Variants in HEATR4 observed in about 807,000 individuals in gnomAD.
HEATR4 encodes HEAT repeat-containing protein 4.
A neutral mutation model predicts 108.8 loss-of-function variants in HEATR4; 95 were observed. That is an observed-to-expected ratio of 0.87 (90% CI 0.74 to 1.04). The LOEUF is 1.04. Ranked by LOEUF, HEATR4 falls within the 50% of genes least tolerant of loss-of-function variation. HEATR4 has a pLI of 0.00. For missense variants in HEATR4, 1,152 were observed against 1,253.8 expected, an observed-to-expected ratio of 0.92 and a Z score of 1.23; for synonymous variants, 443 against 459.4, an observed-to-expected ratio of 0.96 and a Z score of 0.46.
At chr14:73,615,043 C>T in the HEATR4 span, among the ~76,000 whole-genome samples, 12 of 142,930 alleles carry the variant, frequency 8.4e-5, no homozygotes, top group Non-Finnish European at 1.5e-4. Flanking sequence ...GAGCCAAGAT[C>T]GCACCGTTGC....
intron 10 of HEATR4, among the ~76,000 whole-genome samples, chr14:73,506,142 G>T (rs973517837): frequency 6.6e-6 from 1 of 151,922 alleles, no homozygotes; most frequent in Non-Finnish European, 1.5e-5. Flanking sequence ...GCCTGCCTTG[G>T]CCTCCCCAAG....
the HEATR4 span, chr14:73,631,628 AC>A: frequency 6.1e-6 from 1 of 162,686 alleles, no homozygotes; most frequent in Admixed American, 6.3e-5. Flanking sequence ...GGTCGCTGCC[AC>A]CAAGAAGTAT....
chr14:73,540,742 CTTTTTTT>C (rs200357086), intron 1 of HEATR4, among the ~76,000 whole-genome samples: 1 of 81,222 alleles, frequency 1.2e-5, no homozygotes, highest in Non-Finnish European at 2.6e-5. Flanking sequence ...TGTTTGCATT[CTTTTTTT>C]TTTTTTTTTT....
chr14:73,618,369 C>T, the HEATR4 span, among the ~76,000 whole-genome samples: 1 of 146,218 alleles, frequency 6.8e-6, no homozygotes, highest in African/African-American at 2.8e-5. Flanking sequence ...GGCCCTAAGC[C>T]TCTTTTCTGG....
At chr14:73,513,889 C>T in intron 6 of HEATR4, 142 bp downstream of exon 6, 1 of 755,378 alleles carries the variant, frequency 1.3e-6, no homozygotes, top group Non-Finnish European at 2.2e-6. Flanking sequence ...GTGTGAAAGG[C>T]TCTTGTCTAG....
rs2140316482 is a variant in HEATR4 at position 73,544,464 on chromosome 14, A to G, written c.-151-14220T>C. 1.7e-5 allele frequency among the ~76,000 whole-genome samples: 2 copies of G among 115,530 alleles called. 1 individual carries two copies. Among genetic ancestry groups the G allele is most frequent in the South Asian group, 5.5e-4 (2 of 3,646 alleles). 75.8% of individuals were successfully genotyped at this position (115,530 alleles called of 152,430 possible). On this transcript the variant is annotated intron_variant, in intron 1 of 17. Transcript: ENST00000553558. Reference sequence around the variant, plus strand: ...AAACTACTAAAACTTTTCAAAACCAATACATATTTAGTTCTTTGATATCTT... The same window carrying G: ...AAACTACTAAAACTTTTCAAAACCAGTACATATTTAGTTCTTTGATATCTT...
At chr14:73,483,878 A>C (rs1885344028) in intron 17 of HEATR4, among the ~76,000 whole-genome samples, 1 of 151,428 alleles carries the variant, frequency 6.6e-6, no homozygotes, top group Non-Finnish European at 1.5e-5. Context: ...TTTGAGACGG[A>C]GTCTCATCTC....
At chr14:73,602,663 A>G in the HEATR4 span, among the ~76,000 whole-genome samples, 1 of 152,220 alleles carries the variant, frequency 6.6e-6, no homozygotes, top group Non-Finnish European at 1.5e-5. Flanking sequence ...CTGGCAGGCT[A>G]CAATTATGAT....
the HEATR4 span, among the ~76,000 whole-genome samples, chr14:73,621,224 T>C: frequency 7.6e-6 from 1 of 131,006 alleles, no homozygotes; most frequent in Non-Finnish European, 1.7e-5. Context: ...AAAAAACACT[T>C]GTCTCTGAAC....
At position 73,534,314 on chromosome 14, in the gene HEATR4, A is replaced by G. The variant is rs1318504739; in HGVS notation, c.-151-4070T>C. On this transcript the variant is annotated intron_variant, in intron 1 of 17. Coordinates refer to ENST00000553558, the MANE Select transcript of HEATR4 (RefSeq NM_001220484.1). ...GAATCACTGGAACCCGGGAGCCAGAAGTTGCAGTGAGCCGAGATCAGACCA... is the reference window on the plus strand; with the variant it reads ...GAATCACTGGAACCCGGGAGCCAGAGGTTGCAGTGAGCCGAGATCAGACCA... Among the ~76,000 whole-genome samples, 5 of 106,478 alleles carry G rather than the reference A, an allele frequency of 4.7e-5. 2 individuals carry two copies. The highest frequency in any genetic ancestry group is 6.1e-5 in the African/African-American group (2 of 32,538). The allele number at this position is 106,478 out of a possible 152,430, so 69.9% of individuals were successfully genotyped here. A position where few individuals can be genotyped will look rare whatever the true frequency, so the allele number is the denominator to read the frequency against.
At chr14:73,610,661 T>C in the HEATR4 span, among the ~76,000 whole-genome samples, 1 of 152,114 alleles carries the variant, frequency 6.6e-6, no homozygotes, top group Non-Finnish European at 1.5e-5. Flanking sequence ...GCATATGAAA[T>C]GTACTAGGTT....
intron 1 of HEATR4, among the ~76,000 whole-genome samples, chr14:73,538,245 A>G (rs1046144602): frequency 8.7e-6 from 1 of 114,512 alleles, no homozygotes; most frequent in African/African-American, 2.8e-5. Context: ...ACAGGAATGG[A>G]ATGGAAAGTT....
At chr14:73,527,496 G>T (rs1888407700) in intron 2 of HEATR4, 1 of 151,224 alleles carries the variant, frequency 6.6e-6, no homozygotes. Context: ...TCTGCCTATG[G>T]AGTAGCCATT....
rs1412276616 is a variant in HEATR4 at position 73,492,006 on chromosome 14, C to T, written c.2844+1060G>A. ...ATGGCAGGCTCCAACGTTTACCTCACGCCCCCTAACTCGCAGGGCTTTGCC... is the reference window on the plus strand; with the variant it reads ...ATGGCAGGCTCCAACGTTTACCTCATGCCCCCTAACTCGCAGGGCTTTGCC... On this transcript the variant is annotated intron_variant, in intron 17 of 17. Transcript: ENST00000553558. The surrounding 1 kb of genome is among the most constrained non-coding windows in gnomAD (Gnocchi z 4.9). The T allele has an allele frequency of 6.2e-7, 1 of 1,613,992 alleles. No homozygotes were observed. Among genetic ancestry groups the T allele is most frequent in the Non-Finnish European group, 8.5e-7 (1 of 1,179,902 alleles).
rs937920793 is a variant in HEATR4, at chr14:73,506,924, C to A, written c.1882-353G>T. 3.3e-5 allele frequency among the ~76,000 whole-genome samples: 5 copies of A among 150,722 alleles called. No homozygotes were observed. The East Asian group carries it at 9.9e-4, about 30-fold the overall frequency. On this transcript the variant is annotated intron_variant, in intron 9 of 17. Transcript: ENST00000553558. ...CAAGTGATTCTGTTGCCTCAGCCTC[C>A]CAAGTAGCTGGGATTACAGGCGCCT...
chr14:73,489,476 A>C (rs1885587987), intron 17 of HEATR4, among the ~76,000 whole-genome samples: 1 of 152,212 alleles, frequency 6.6e-6, no homozygotes, highest in African/African-American at 2.4e-5. Flanking sequence ...TCATTGCTTG[A>C]AACATTGTAA....
At chr14:73,626,749 A>AAGG in the HEATR4 span, among the ~76,000 whole-genome samples, 1 of 149,626 alleles carries the variant, frequency 6.7e-6, no homozygotes, top group Admixed American at 6.7e-5. Flanking sequence ...ATAACTGATG[A>AAGG]AGGTGGCTAC....
At chr14:73,509,808 GCCCATATATATATATATATATATATA>G (rs1887086380) in intron 7 of HEATR4, among the ~76,000 whole-genome samples, 1 of 63,466 alleles carries the variant, frequency 1.6e-5, no homozygotes, top group Non-Finnish European at 2.9e-5. Flanking sequence ...TGCCCCATGA[GCCCATATATATATATATATATATATA>G]TATATATATA....
intron 11 of HEATR4, among the ~76,000 whole-genome samples, chr14:73,502,560 T>A (rs1300172090): frequency 6.6e-6 from 1 of 152,052 alleles, no homozygotes; most frequent in African/African-American, 2.4e-5. Flanking sequence ...AAGCACTTTT[T>A]TTTTTTGAGA....
Sources: gnomAD v4.1 joint callset for allele counts (sites outside exome capture counted in the v4.1 genomes callset) on GRCh38, gnomAD v4.1.1 for gene constraint, Gnocchi (gnomAD v3.1) non-coding constraint, MANE v1.5 for transcripts, NCBI Gene and HGNC (gene_info 2026-07-23, HGNC 2026-07-21) for gene names.